The following CDH13 variants were observed in gnomAD, a reference collection of about 807,000 sequenced individuals.
The protein encoded by CDH13 is cadherin-13.
CDH13 carries 24 observed loss-of-function variants against 63.8 expected under a neutral mutation model. The ratio of observed to expected loss-of-function variants is 0.38; its 90% confidence interval spans 0.27 to 0.53. The LOEUF (loss-of-function observed/expected upper bound fraction) is 0.53. Ranked by LOEUF, CDH13 falls within the 20% of genes least tolerant of loss-of-function variation. The pLI is 0.85. For missense variants in CDH13, 1,049 were observed against 903.1 expected (o/e 1.16, Z -2.07); for synonymous variants, 503 against 355.3 (o/e 1.42, Z -4.67).
chr16:83,333,981 AG>A (rs1482478496), intron 5 of CDH13, among the ~76,000 whole-genome samples: 7 of 152,192 alleles, frequency 4.6e-5, no homozygotes, highest in African/African-American at 7.2e-5. Context: ...AACATGTGTC[AG>A]GGTAAAATCA....
chr16:83,352,319 C>A (rs1399940413), intron 6 of CDH13, among the ~76,000 whole-genome samples: 2 of 152,156 alleles, frequency 1.3e-5, no homozygotes, highest in African/African-American at 4.8e-5. Flanking sequence ...TAGCTATTGA[C>A]TCCACCTAGT....
At chr16:83,243,037 T>A (rs117997487) in intron 5 of CDH13, among the ~76,000 whole-genome samples, 2,194 of 152,270 alleles carry the variant, frequency 0.014, 145 homozygotes, top group East Asian at 0.11. Flanking sequence ...GATTGACAGG[T>A]TAAGTAGCTT....
At chr16:83,381,772 C>G (rs969937659) in intron 6 of CDH13, among the ~76,000 whole-genome samples, 8 of 151,776 alleles carry the variant, frequency 5.3e-5, no homozygotes, top group Admixed American at 1.3e-4. Flanking sequence ...TTTACTAGAT[C>G]CAGGGTATTT....
chr16:82,908,318 G>A (rs8055719), intron 2 of CDH13, among the ~76,000 whole-genome samples: 1 of 152,152 alleles, frequency 6.6e-6, no homozygotes, highest in African/African-American at 2.4e-5. Flanking sequence ...CCAGATGCAA[G>A]ACCAAGTAGG....
At chr16:82,966,781 C>G (rs139521675) in intron 2 of CDH13, among the ~76,000 whole-genome samples, 1 of 152,166 alleles carries the variant, frequency 6.6e-6, no homozygotes, top group Non-Finnish European at 1.5e-5. Flanking sequence ...ATTGCAGACT[C>G]GATGCCCCTT....
chr16:83,053,411 C>G (rs969783038), intron 3 of CDH13, among the ~76,000 whole-genome samples: 2 of 152,024 alleles, frequency 1.3e-5, no homozygotes, highest in East Asian at 1.9e-4. Flanking sequence ...AGAAGACACA[C>G]TCACATTAGG....
At chr16:83,003,529 G>A (rs1364520478) in intron 2 of CDH13, among the ~76,000 whole-genome samples, 1 of 152,166 alleles carries the variant, frequency 6.6e-6, no homozygotes, top group Admixed American at 6.5e-5. Flanking sequence ...GCAAGGAAAA[G>A]CAAACAAAGA....
At chr16:83,565,359 G>T (rs36145158) in intron 7 of CDH13, among the ~76,000 whole-genome samples, 3 of 148,598 alleles carry the variant, frequency 2.0e-5, no homozygotes, top group Non-Finnish European at 4.4e-5. Flanking sequence ...ATGCCCTTGG[G>T]ATTTCCGTTC....
At chr16:83,396,834 T>G (rs796304171) in intron 6 of CDH13, 5 of 152,280 alleles carry the variant, frequency 3.3e-5, no homozygotes, top group African/African-American at 1.2e-4. Context: ...AAAACATGTG[T>G]TACCAGACTT....
At chr16:82,879,864 A>G (rs2040634609) in intron 2 of CDH13, among the ~76,000 whole-genome samples, 1 of 143,246 alleles carries the variant, frequency 7.0e-6, no homozygotes, top group South Asian at 2.1e-4. Flanking sequence ...TATATAATAG[A>G]TTTATCTAAA....
chr16:83,343,689 C>A (rs1193819942), intron 5 of CDH13, among the ~76,000 whole-genome samples: 1 of 152,112 alleles, frequency 6.6e-6, no homozygotes, highest in Non-Finnish European at 1.5e-5. Context: ...ACAATAGCAG[C>A]AGTTAATATT....
chr16:83,771,380 C>G lies in CDH13; in HGVS notation c.1682-8588C>G, dbSNP rs141808248. Among the ~76,000 whole-genome samples, 494 of 152,296 alleles carry G rather than the reference C, an allele frequency of 3.2e-3. 2 individuals are homozygous for G. The highest frequency in any genetic ancestry group is 0.011 in the African/African-American group (471 of 41,568). On this transcript the variant is annotated intron_variant, in intron 11 of 13. Transcript: ENST00000567109. ...AAGGTTAATTATTGGAGTTTGAAAT[C>G]CAGCAGTGGAATCCATGTGGTCCTA...
intron 5 of CDH13, among the ~76,000 whole-genome samples, chr16:83,301,907 C>A (rs1315950960): frequency 6.7e-6 from 1 of 149,886 alleles, no homozygotes; most frequent in South Asian, 2.1e-4. Context: ...CTGGCAGATA[C>A]TTAAGAAAAT....
intron 1 of CDH13, among the ~76,000 whole-genome samples, chr16:82,682,674 A>G (rs551902075): frequency 1.1e-4 from 16 of 152,248 alleles, no homozygotes; most frequent in Non-Finnish European, 2.1e-4. Context: ...GTCTCCAAGG[A>G]GCAAGGTTGT....
intron 1 of CDH13, among the ~76,000 whole-genome samples, chr16:82,711,447 C>A (rs892551639): frequency 2.0e-5 from 3 of 152,174 alleles, no homozygotes; most frequent in African/African-American, 7.2e-5. Context: ...AGCTTGGACT[C>A]TGGCCCTTCA....
chr16:83,158,064 G>C (rs1217288811), intron 4 of CDH13, among the ~76,000 whole-genome samples: 1 of 151,966 alleles, frequency 6.6e-6, no homozygotes, highest in African/African-American at 2.4e-5. Flanking sequence ...ACTTTCCTTG[G>C]GTCAAACCTT....
intron 3 of CDH13, among the ~76,000 whole-genome samples, chr16:83,063,228 C>T (rs1386811422): frequency 6.6e-6 from 1 of 152,144 alleles, no homozygotes; most frequent in Non-Finnish European, 1.5e-5. Context: ...TCCCAAAGTG[C>T]TGGAATTACA....
intron 1 of CDH13, among the ~76,000 whole-genome samples, chr16:82,767,125 A>T (rs2035086109): frequency 6.6e-6 from 1 of 152,210 alleles, no homozygotes; most frequent in African/African-American, 2.4e-5. Flanking sequence ...GTAGAGTTCA[A>T]TATTTGCTTA....
intron 5 of CDH13, among the ~76,000 whole-genome samples, chr16:83,224,387 G>A (rs563342844): frequency 7.5e-4 from 113 of 150,966 alleles, no homozygotes; most frequent in African/African-American, 2.4e-3. Flanking sequence ...GACTGCTGGA[G>A]TGCAGTTTTG....
Sources: gnomAD v4.1 joint callset for allele counts (sites outside exome capture counted in the v4.1 genomes callset) on GRCh38, gnomAD v4.1.1 for gene constraint, MANE v1.5 for transcripts, NCBI Gene and HGNC (gene_info 2026-07-23, HGNC 2026-07-21) for gene names.